The following CENPP variants were observed in gnomAD, a reference collection of about 807,000 sequenced individuals.
The protein encoded by CENPP is centromere protein P.
Under a neutral mutation model 35.6 loss-of-function variants are expected in CENPP, and 24 were observed. That is an observed-to-expected ratio of 0.67 (90% confidence interval 0.49 to 0.95). The LOEUF (loss-of-function observed/expected upper bound fraction) is 0.95, where lower values mean the gene tolerates loss of function less well. Among genes scored for constraint, CENPP ranks in the 40% least tolerant of loss-of-function variants. The pLI, the probability that CENPP is intolerant of heterozygous loss-of-function variation, is 0.00. For missense variants in CENPP, 332 were observed against 345.3 expected (o/e 0.96, Z 0.31); for synonymous variants, 120 against 125.5 (o/e 0.96, Z 0.29).
chr9:92,557,932 C>T (rs1280080828), intron 5 of CENPP, among the ~76,000 whole-genome samples: 2 of 152,142 alleles, frequency 1.3e-5, no homozygotes, highest in African/African-American at 4.8e-5. Context: ...CGTGAGCCAC[C>T]GCGCCTGGCC....
intron 4 of CENPP, among the ~76,000 whole-genome samples, chr9:92,346,097 G>A (rs1841287459): frequency 6.6e-6 from 1 of 152,202 alleles, no homozygotes; most frequent in Non-Finnish European, 1.5e-5. Context: ...AATGGCAGAA[G>A]TAAATATAAA....
chr9:92,617,893 G>A lies in CENPP; in HGVS notation c.*4744G>A. ...AGACATTTTCCTTTATGACAGGGCAGAAACAGTAGTGCAGAGCTGGAGAAG... is the reference window on the plus strand; with the variant it reads ...AGACATTTTCCTTTATGACAGGGCAAAAACAGTAGTGCAGAGCTGGAGAAG... On this transcript the variant is annotated 3_prime_UTR_variant, in exon 8 of 8. Coordinates refer to ENST00000375587, the MANE Select transcript of CENPP (RefSeq NM_001012267.3). The A allele has an allele frequency of 4.4e-6, 1 of 225,416 alleles. No individual in the cohort carries two copies. The highest frequency in any genetic ancestry group is 6.5e-5 in the South Asian group (1 of 15,344). The allele number at this position is 225,416 out of a possible 1,614,324, so 14.0% of individuals were successfully genotyped here. A position where few individuals can be genotyped will look rare whatever the true frequency, so the allele number is the denominator to read the frequency against.
At chr9:92,370,595 C>T (rs1340860380) in intron 4 of CENPP, among the ~76,000 whole-genome samples, 5 of 152,128 alleles carry the variant, frequency 3.3e-5, no homozygotes, top group African/African-American at 1.2e-4. Context: ...ATTCTCCTGC[C>T]TCAGCCTCCC....
chr9:92,454,062 A>G (rs1844799433), intron 5 of CENPP, among the ~76,000 whole-genome samples: 1 of 152,228 alleles, frequency 6.6e-6, no homozygotes, highest in Non-Finnish European at 1.5e-5. Context: ...AACCCAATAA[A>G]TAGTAAGTCA....
chr9:92,581,056 T>A (rs1447750673), intron 5 of CENPP, among the ~76,000 whole-genome samples: 2 of 152,218 alleles, frequency 1.3e-5, no homozygotes, highest in Non-Finnish European at 2.9e-5. Context: ...CATTTCGTTA[T>A]GTACCCATTA....
intron 5 of CENPP, among the ~76,000 whole-genome samples, chr9:92,548,059 A>C (rs1245048817): frequency 6.6e-6 from 1 of 152,224 alleles, no homozygotes; most frequent in Non-Finnish European, 1.5e-5. Flanking sequence ...AATTACTAAA[A>C]TTATCTTTAG....
At chr9:92,572,815 C>G (rs188638647) in intron 5 of CENPP, among the ~76,000 whole-genome samples, 3 of 152,164 alleles carry the variant, frequency 2.0e-5, no homozygotes, top group Non-Finnish European at 2.9e-5. Flanking sequence ...CTCTAAACTT[C>G]TCTTCTCACT....
chr9:92,541,538 A>AT (rs1471878862), intron 5 of CENPP, among the ~76,000 whole-genome samples: 238 of 148,574 alleles, frequency 1.6e-3, no homozygotes, highest in African/African-American at 5.5e-3. Flanking sequence ...TTTGAGTTAG[A>AT]TTTTTTTTTA....
chr9:92,415,653 T>G (rs1843570307), intron 5 of CENPP, among the ~76,000 whole-genome samples: 1 of 150,614 alleles, frequency 6.6e-6, no homozygotes, highest in South Asian at 2.1e-4. Context: ...AATTAAATTA[T>G]GAGTTTTATA....
At chr9:92,525,912 AAAAG>A (rs1475724650) in intron 5 of CENPP, among the ~76,000 whole-genome samples, 222 of 151,730 alleles carry the variant, frequency 1.5e-3, no homozygotes, top group South Asian at 7.7e-3. Context: ...AAAAAAAAAA[AAAAG>A]CACATACAAT....
chr9:92,580,535 G>A (rs572837619), intron 5 of CENPP, among the ~76,000 whole-genome samples: 61 of 152,286 alleles, frequency 4.0e-4, no homozygotes, highest in African/African-American at 1.4e-3. Flanking sequence ...TCTTGGGAGA[G>A]TGTATGTGTC....
chr9:92,398,554 T>C (rs948397371), intron 5 of CENPP, among the ~76,000 whole-genome samples: 16 of 152,164 alleles, frequency 1.1e-4, no homozygotes, highest in Admixed American at 4.6e-4. Context: ...GTTTTTTTTT[T>C]CCACATAGTG....
At chr9:92,406,309 G>A (rs1843307468) in intron 5 of CENPP, among the ~76,000 whole-genome samples, 1 of 152,132 alleles carries the variant, frequency 6.6e-6, no homozygotes, top group South Asian at 2.1e-4. Context: ...GGGAATAGAG[G>A]TTGGATTAAA....
In CENPP at chr9:92,616,176, G is replaced by C; in HGVS notation, c.*3027G>C. 1 of 690,282 alleles carries C rather than the reference G, an allele frequency of 1.4e-6. No homozygotes were observed. The highest frequency in any genetic ancestry group is 2.7e-5 in the East Asian group (1 of 36,540). The allele number at this position is 690,282 out of a possible 1,614,324, so 42.8% of individuals were successfully genotyped here. A position where few individuals can be genotyped will look rare whatever the true frequency, so the allele number is the denominator to read the frequency against. On this transcript the variant is annotated 3_prime_UTR_variant, in exon 8 of 8. Coordinates refer to ENST00000375587, the MANE Select transcript of CENPP (RefSeq NM_001012267.3). ...TTTTTATGTTTTTTCTTTGACTTCT[G>C]CAAAGTTAGATAAATCAATCTCTTT... is the stretch of plus-strand genomic sequence containing the variant.
At chr9:92,598,797 AT>A (rs1237957578) in intron 5 of CENPP, among the ~76,000 whole-genome samples, 8 of 150,512 alleles carry the variant, frequency 5.3e-5, no homozygotes, top group African/African-American at 2.0e-4. Flanking sequence ...AAAATGAACT[AT>A]GATGAAACAT....
intron 5 of CENPP, among the ~76,000 whole-genome samples, chr9:92,608,720 A>G (rs150222962): frequency 7.6e-4 from 116 of 152,350 alleles, no homozygotes; most frequent in African/African-American, 2.7e-3. Context: ...ACAGTCCCAC[A>G]AAAGTCCTCC....
intron 5 of CENPP, among the ~76,000 whole-genome samples, chr9:92,575,498 A>G (rs1850259165): frequency 6.6e-6 from 1 of 152,128 alleles, no homozygotes; most frequent in Non-Finnish European, 1.5e-5. Context: ...ACAGTGAGAT[A>G]CCACCTCACA....
rs1056694904 is a variant in CENPP at position 92,368,464 on chromosome 9, C to T, written c.468-11299C>T. 2.6e-5 allele frequency among the ~76,000 whole-genome samples: 4 copies of T among 152,074 alleles called. No homozygotes were observed. The South Asian group carries it at 6.2e-4, about 24-fold the overall frequency. ...TAGCTTCAAAGCAGCTTCATGGGGC[C>T]GTTTATTCAATGATCAAGAGCTACA... On this transcript the variant is annotated intron_variant, in intron 4 of 7. Coordinates refer to ENST00000375587, the MANE Select transcript of CENPP (RefSeq NM_001012267.3).
At chr9:92,372,686 A>G (rs1396050597) in intron 4 of CENPP, among the ~76,000 whole-genome samples, 2 of 152,204 alleles carry the variant, frequency 1.3e-5, no homozygotes, top group Non-Finnish European at 2.9e-5. Context: ...TCATTTATGA[A>G]TGAGAATTTA....
Sources: allele counts gnomAD v4.1 joint callset (sites outside exome capture counted in the v4.1 genomes callset), GRCh38; gene constraint gnomAD v4.1.1; transcripts MANE v1.5; gene names NCBI Gene and HGNC (gene_info 2026-07-23, HGNC 2026-07-21).